The following DDX19A variants were observed in gnomAD, a reference collection of about 807,000 sequenced individuals.
DDX19A encodes the protein ATP-dependent RNA helicase DDX19A.
A neutral mutation model predicts 60.6 loss-of-function variants in DDX19A; 12 were observed. That is an observed-to-expected ratio of 0.20 (90% CI 0.13 to 0.32). The LOEUF is 0.32. DDX19A is among the 10% of genes least tolerant of loss of function. The pLI is 1.00. For synonymous variants in DDX19A, 206 were observed against 218.2 expected, an observed-to-expected ratio of 0.94 and a Z score of 0.49; for missense variants, 337 against 600.6, an observed-to-expected ratio of 0.56 and a Z score of 4.59.
intron 1 of DDX19A, among the ~76,000 whole-genome samples, chr16:70,347,556 T>C (rs1567647231): frequency 6.6e-6 from 1 of 152,260 alleles, no homozygotes; most frequent in African/African-American, 2.4e-5. Context: ...AACGGTTTCA[T>C]GTACTTGTTC....
At chr16:70,348,803 G>A (rs138374877) in intron 1 of DDX19A, among the ~76,000 whole-genome samples, 15 of 151,950 alleles carry the variant, frequency 9.9e-5, no homozygotes, top group Admixed American at 2.6e-4. Flanking sequence ...TTAGCTGGGC[G>A]GGGTGGTGGT....
chr16:70,357,379 T>TG (rs1179490529), intron 4 of DDX19A, among the ~76,000 whole-genome samples: 95 of 83,420 alleles, frequency 1.1e-3, no homozygotes, highest in Non-Finnish European at 2.0e-3. Flanking sequence ...TTTTTTTTTT[T>TG]TTTTTTTTTT....
chr16:70,347,522 A>G (rs1038093687), intron 1 of DDX19A, among the ~76,000 whole-genome samples: 6 of 152,176 alleles, frequency 3.9e-5, no homozygotes, highest in African/African-American at 7.2e-5. Context: ...AGGCACTACA[A>G]ATTGTTTCAT....
chr16:70,349,171 C>T (rs1420142563), intron 1 of DDX19A, among the ~76,000 whole-genome samples: 1 of 152,086 alleles, frequency 6.6e-6, no homozygotes, highest in Non-Finnish European at 1.5e-5. Context: ...TGGGCTAAGT[C>T]CAGAGGAAAC....
At chr16:70,358,124 G>C (rs751586284) in intron 4 of DDX19A, among the ~76,000 whole-genome samples, 3 of 152,028 alleles carry the variant, frequency 2.0e-5, no homozygotes, top group Non-Finnish European at 4.4e-5. Flanking sequence ...TCTACCTCCC[G>C]GGTTCAAGCG....
At position 70,372,089 on chromosome 16, in the gene DDX19A, A is replaced by T; in HGVS notation, c.*103A>T. On this transcript the variant is annotated 3_prime_UTR_variant, in exon 12 of 12. Coordinates refer to ENST00000302243, the MANE Select transcript of DDX19A (RefSeq NM_018332.5). ...GACATCACCCCAAGGACAACGGCAG[A>T]AGTAGAGAGAAACTACCTACCTCAC... The T allele has an allele frequency of 6.4e-7, 1 of 1,561,526 alleles. No homozygotes were observed. Among genetic ancestry groups the T allele is most frequent in the South Asian group, 1.1e-5 (1 of 88,852 alleles).
rs71151183 is a variant in DDX19A at position 70,357,366 on chromosome 16, GTT to G, written c.293+1154_293+1155del. Among the ~76,000 whole-genome samples the G allele has an allele frequency of 7.6e-3, 339 of 44,590 alleles. 34 individuals carry two copies. Among genetic ancestry groups the G allele is most frequent in the African/African-American group, 0.028 (320 of 11,266 alleles). The allele number at this position is 44,590 out of a possible 152,430, so 29.3% of individuals were successfully genotyped here. ...AATCTGTCAAATCTGTTTTTGGTTT[GTT>G]TTTTTTTTTTTTTTTTTTTTTTTTT... On this transcript the variant is annotated intron_variant, in intron 4 of 11. Coordinates refer to ENST00000302243, the MANE Select transcript of DDX19A (RefSeq NM_018332.5).
At chr16:70,347,953 G>C in intron 1 of DDX19A, 1 of 445,722 alleles carries the variant, frequency 2.2e-6, no homozygotes, top group South Asian at 1.6e-5. Context: ...GCCTCCCAAA[G>C]TGCTGGGATT....
chr16:70,369,981 A>G (rs1453112945), intron 9 of DDX19A, among the ~76,000 whole-genome samples: 2 of 152,070 alleles, frequency 1.3e-5, no homozygotes, highest in African/African-American at 4.8e-5. Flanking sequence ...TATCGGGTTT[A>G]CAATTTTAAG....
At chr16:70,355,427 C>A in intron 2 of DDX19A, 58 bp from the exon 3 acceptor site, 2 of 1,185,470 alleles carry the variant, frequency 1.7e-6, no homozygotes, top group South Asian at 1.3e-5. Context: ...TATTGTCCCA[C>A]ATTTTTGGTG....
At position 70,355,481 on chromosome 16, in the gene DDX19A, G is replaced by A. The variant is rs1382092640; in HGVS notation, c.107-4G>A. ...CTAATTATGACAATTGTTTTCTTGTGTAGGTATTATCAAAACCAGTACCAC... is the reference window on the plus strand; with the variant it reads ...CTAATTATGACAATTGTTTTCTTGTATAGGTATTATCAAAACCAGTACCAC... On this transcript the variant is annotated splice_region_variant and splice_polypyrimidine_tract_variant and intron_variant, in intron 2 of 11. Transcript: ENST00000302243. 4 of 1,611,282 alleles carry A rather than the reference G, an allele frequency of 2.5e-6. No homozygotes were observed. In the African/African-American group the frequency reaches 4.0e-5, roughly 16 times the overall value.
intron 4 of DDX19A, among the ~76,000 whole-genome samples, chr16:70,357,389 T>TG (rs1964244808): frequency 1.0e-5 from 1 of 95,488 alleles, no homozygotes. Flanking sequence ...TTTTTTTTTT[T>TG]TTTTTTTTTT....
chr16:70,353,824 C>A (rs934654781), intron 2 of DDX19A, among the ~76,000 whole-genome samples: 2 of 150,646 alleles, frequency 1.3e-5, no homozygotes, highest in African/African-American at 4.9e-5. Flanking sequence ...TCACTTGAAC[C>A]TGGGGGGCAA....
In DDX19A at chr16:70,361,508, A is replaced by G; in HGVS notation, c.384A>G (p.Glu128=). The G allele has an allele frequency of 6.2e-7, 1 of 1,609,118 alleles. No individual in the cohort carries two copies. The highest frequency in any genetic ancestry group is 8.5e-7 in the Non-Finnish European group (1 of 1,176,262). ...ACGCATTACCCATGATGCTTGCTGA[A>G]CCGTGAGTATGCAGATGAAGCGCAT... The part of the protein sequence containing the change: ...QENALPMMLA[E]PPQNLIAQSQ... Residue 128 remains glutamate (E), a splice_region_variant and synonymous_variant, in exon 5 of 12, where the codon GAA becomes GAG. Coordinates refer to ENST00000302243, the MANE Select transcript of DDX19A (RefSeq NM_018332.5).
rs567737198 is a variant in DDX19A at position 70,350,662 on chromosome 16, A to G, written c.106+57A>G. 3.6e-4 allele frequency: 463 copies of G among 1,276,342 alleles called. 4 individuals carry two copies. In the South Asian group the frequency reaches 5.4e-3, roughly 15 times the overall value. 79.1% of individuals were successfully genotyped at this position (1,276,342 alleles called of 1,614,324 possible). A position where few individuals can be genotyped will look rare whatever the true frequency, so the allele number is the denominator to read the frequency against. ...AGTTCCATGTGGGCCGCTGCTTTGCACTCATAGCTGCATTGTACAAAGAGC... is the reference window on the plus strand; with the variant it reads ...AGTTCCATGTGGGCCGCTGCTTTGCGCTCATAGCTGCATTGTACAAAGAGC... On this transcript the variant is annotated intron_variant, in intron 2 of 11. Transcript: ENST00000302243.
intron 2 of DDX19A, among the ~76,000 whole-genome samples, chr16:70,351,251 G>A (rs535985830): frequency 6.6e-6 from 1 of 151,550 alleles, no homozygotes; most frequent in East Asian, 1.9e-4. Context: ...TGTCGTGCAG[G>A]CTAGAGTGGA....
intron 9 of DDX19A, among the ~76,000 whole-genome samples, 157 bp downstream of exon 9, chr16:70,367,018 T>C (rs1250486581): frequency 6.6e-6 from 1 of 152,204 alleles, no homozygotes; most frequent in Non-Finnish European, 1.5e-5. Flanking sequence ...GTAATGGTAG[T>C]ATCCCAAGGG....
chr16:70,366,415 T>C (rs1964521447), intron 8 of DDX19A, 153 bp downstream of exon 8: 6 of 1,298,612 alleles, frequency 4.6e-6, no homozygotes, highest in South Asian at 2.8e-5. Flanking sequence ...TCAGCGCTGA[T>C]CACAGTCCCT....
At chr16:70,353,652 G>T (rs1415858065) in intron 2 of DDX19A, among the ~76,000 whole-genome samples, 2 of 151,738 alleles carry the variant, frequency 1.3e-5, no homozygotes, top group African/African-American at 4.8e-5. Flanking sequence ...TGTAATTCCA[G>T]CACTTTGGGA....
Sources: allele counts gnomAD v4.1 joint callset (sites outside exome capture counted in the v4.1 genomes callset), GRCh38; gene constraint gnomAD v4.1.1; transcripts MANE v1.5; gene names NCBI Gene and HGNC (gene_info 2026-07-23, HGNC 2026-07-21).